WNT7A: variants seen among roughly 807,000 people sequenced by gnomAD.
WNT7A encodes protein Wnt-7a.
A neutral mutation model predicts 28.2 loss-of-function variants in WNT7A; 16 were observed. The observed-to-expected ratio is 0.57, with a 90% CI of 0.38 to 0.86. WNT7A has a LOEUF of 0.86. WNT7A is among the 40% of genes least tolerant of loss of function. WNT7A has a pLI of 0.00. For synonymous variants in WNT7A, 190 were observed against 195.9 expected (o/e 0.97, Z 0.25); for missense variants, 411 against 489.7 (o/e 0.84, Z 1.52).
At chr3:13,864,373 C>G (rs1057485238) in intron 2 of WNT7A, among the ~76,000 whole-genome samples, 4 of 152,142 alleles carry the variant, frequency 2.6e-5, no homozygotes, top group Non-Finnish European at 5.9e-5. Flanking sequence ...TGCAGTCCCT[C>G]GTGCCAAGCC....
intron 3 of WNT7A, among the ~76,000 whole-genome samples, chr3:13,852,136 T>C (rs1393450646): frequency 6.6e-6 from 1 of 151,966 alleles, no homozygotes. Context: ...GCCAGGGGAG[T>C]TGGGGGCTCC....
chr3:13,833,370 C>T (rs756226234), intron 3 of WNT7A, among the ~76,000 whole-genome samples: 2 of 152,204 alleles, frequency 1.3e-5, no homozygotes, highest in Non-Finnish European at 2.9e-5. Flanking sequence ...GGCACACAAG[C>T]GCACACACAC....
At chr3:13,848,906 C>A (rs370619430) in intron 3 of WNT7A, among the ~76,000 whole-genome samples, 4 of 152,154 alleles carry the variant, frequency 2.6e-5, no homozygotes, top group African/African-American at 9.7e-5. Flanking sequence ...TGGAATACTA[C>A]TCAGCAAGGT....
At chr3:13,819,718 T>C (rs1293713588) in intron 3 of WNT7A, among the ~76,000 whole-genome samples, 1 of 152,182 alleles carries the variant, frequency 6.6e-6, no homozygotes, top group Non-Finnish European at 1.5e-5. Flanking sequence ...GGAGAAAGAA[T>C]GAATTGCTCA....
chr3:13,838,257 C>G (rs143023072), intron 3 of WNT7A, among the ~76,000 whole-genome samples: 1 of 152,170 alleles, frequency 6.6e-6, no homozygotes, highest in African/African-American at 2.4e-5. Context: ...GTTTCTCTCT[C>G]AGCTGTGCGG....
intron 3 of WNT7A, among the ~76,000 whole-genome samples, chr3:13,850,564 G>A (rs1334812752): frequency 4.6e-5 from 7 of 152,102 alleles, no homozygotes; most frequent in Admixed American, 4.6e-4. Context: ...ACCTCCCTTG[G>A]AGCAAGAGGC....
At chr3:13,856,957 A>AAGG (rs1276975040) in intron 2 of WNT7A, among the ~76,000 whole-genome samples, 46 of 105,736 alleles carry the variant, frequency 4.4e-4, no homozygotes, top group Admixed American at 7.5e-4. Context: ...GAAGAAGAAG[A>AAGG]AGAAGAAGAA....
At chr3:13,838,983 A>G (rs1694414462) in intron 3 of WNT7A, among the ~76,000 whole-genome samples, 1 of 152,260 alleles carries the variant, frequency 6.6e-6, no homozygotes. Flanking sequence ...GTATTTGCAT[A>G]TTGATTACAT....
At chr3:13,821,173 G>A (rs948506259) in intron 3 of WNT7A, among the ~76,000 whole-genome samples, 1 of 152,214 alleles carries the variant, frequency 6.6e-6, no homozygotes, top group Non-Finnish European at 1.5e-5. Context: ...ACACAATTGG[G>A]GGCAGAGTGA....
chr3:13,879,038 G>T (rs1011311510), intron 1 of WNT7A, among the ~76,000 whole-genome samples: 7 of 152,140 alleles, frequency 4.6e-5, no homozygotes, highest in Non-Finnish European at 1.0e-4. Flanking sequence ...GGGGTGTCCC[G>T]CCTCTCTCTA....
In WNT7A at chr3:13,819,418, C is replaced by T. The variant is rs1396322737; in HGVS notation, c.576G>A (p.Leu192=). ...TACATTCCAGCTTCATGTTCTCCTCCAGGATCTGCAGGGGAGGGCGGGGAA... is the reference window on the plus strand; with the variant it reads ...TACATTCCAGCTTCATGTTCTCCTCTAGGATCTGCAGGGGAGGGCGGGGAA... ...LHNNEAGRKI[L]EENMKLECKC... Residue 192 remains leucine, a synonymous_variant, in exon 4 of 4, where the codon CTG becomes CTA. Transcript: ENST00000285018. The T allele has an allele frequency of 6.2e-6, 10 of 1,612,604 alleles. No individual in the cohort carries two copies. Among genetic ancestry groups the T allele is most frequent in the African/African-American group, 2.7e-5 (2 of 74,934 alleles).
In WNT7A at chr3:13,818,743, C is replaced by A; in HGVS notation, c.*201G>T. On this transcript the variant is annotated 3_prime_UTR_variant, in exon 4 of 4. Coordinates refer to ENST00000285018, the MANE Select transcript of WNT7A (RefSeq NM_004625.4). ...GGGCTGTGTCTGGGGGAGGGTGGAG[C>A]AGCATTGGGTGTGGAACAGAATAGT... The A allele has an allele frequency of 1.3e-6, 1 of 756,918 alleles. No individual in the cohort carries two copies. The highest frequency in any genetic ancestry group is 2.6e-5 in the South Asian group (1 of 38,886). The allele number at this position is 756,918 out of a possible 1,614,324, so 46.9% of individuals were successfully genotyped here.
At chr3:13,842,078 G>C (rs939587598) in intron 3 of WNT7A, among the ~76,000 whole-genome samples, 3 of 125,550 alleles carry the variant, frequency 2.4e-5, no homozygotes, top group African/African-American at 7.6e-5. Flanking sequence ...GAAGGAGACA[G>C]GGGTGAGGGA....
intron 3 of WNT7A, among the ~76,000 whole-genome samples, chr3:13,824,086 G>C (rs1368537663): frequency 6.6e-6 from 1 of 152,174 alleles, no homozygotes; most frequent in Non-Finnish European, 1.5e-5. Context: ...TTTTAAAACA[G>C]CTTTACTGCA....
At chr3:13,870,767 G>A (rs777339808) in intron 2 of WNT7A, among the ~76,000 whole-genome samples, 17 of 152,352 alleles carry the variant, frequency 1.1e-4, no homozygotes, top group Admixed American at 1.3e-4. Flanking sequence ...AGGCCGTCCC[G>A]CTGCCCCAAG....
At chr3:13,874,819 C>A in intron 2 of WNT7A, 128 bp downstream of exon 2, 1 of 965,950 alleles carries the variant, frequency 1.0e-6, no homozygotes, top group South Asian at 1.4e-5. Flanking sequence ...AGTCAATGCA[C>A]CTGCAGGACC....
chr3:13,869,768 G>A (rs1695002187), intron 2 of WNT7A, among the ~76,000 whole-genome samples: 1 of 151,630 alleles, frequency 6.6e-6, no homozygotes, highest in African/African-American at 2.4e-5. Context: ...GGGAAGTGAA[G>A]GCCTTCTTAG....
chr3:13,861,910 C>T (rs1694837408), intron 2 of WNT7A, among the ~76,000 whole-genome samples: 1 of 152,198 alleles, frequency 6.6e-6, no homozygotes, highest in African/African-American at 2.4e-5. Context: ...CCCTCCTTAC[C>T]TCTCAATCCA....
rs575789769 is a variant in WNT7A, at chr3:13,818,351, C to CGAAAAAAA, written c.*592_*593insTTTTTTTC. The CGAAAAAAA allele has an allele frequency of 1.3e-5, 1 of 79,950 alleles. No individual in the cohort carries two copies. The highest frequency in any genetic ancestry group is 4.7e-4 in the South Asian group (1 of 2,138). 5.0% of individuals were successfully genotyped at this position (79,950 alleles called of 1,614,324 possible). A position where few individuals can be genotyped will look rare whatever the true frequency, so the allele number is the denominator to read the frequency against. ...TTTCTGGATAAGTAGCAGCAAACAG[C>CGAAAAAAA]AAAAAAAAAAAAAAAAATGTGTGTG... On this transcript the variant is annotated 3_prime_UTR_variant, in exon 4 of 4. Transcript: ENST00000285018.
Sources: gnomAD v4.1 joint callset for allele counts (sites outside exome capture counted in the v4.1 genomes callset) on GRCh38, gnomAD v4.1.1 for gene constraint, MANE v1.5 for transcripts, NCBI Gene and HGNC (gene_info 2026-07-23, HGNC 2026-07-21) for gene names.